The following IGF1R variants were observed in gnomAD, a reference collection of about 807,000 sequenced individuals.
IGF1R encodes the protein insulin like growth factor 1 receptor.
In IGF1R, 44 loss-of-function variants were observed where a neutral mutation model predicts 144.6. The ratio of observed to expected loss-of-function variants is 0.30; its 90% CI spans 0.24 to 0.39. The LOEUF is 0.39. Among genes scored for constraint, IGF1R ranks in the 10% least tolerant of loss-of-function variants. IGF1R has a pLI of 1.00. For missense variants in IGF1R, 1,355 were observed against 1,833.7 expected, an observed-to-expected ratio of 0.74 and a Z score of 4.77; for synonymous variants, 795 against 722.8, an observed-to-expected ratio of 1.10 and a Z score of -1.60.
intron 2 of IGF1R, among the ~76,000 whole-genome samples, chr15:98,716,242 G>A (rs1039418581): frequency 1.1e-4 from 16 of 152,142 alleles, no homozygotes; most frequent in Admixed American, 1.0e-3. Flanking sequence ...AGTTACTGAG[G>A]GTTTCCGTGG....
intron 2 of IGF1R, among the ~76,000 whole-genome samples, chr15:98,848,556 G>A (rs2011423753): frequency 6.6e-6 from 1 of 152,204 alleles, no homozygotes; most frequent in African/African-American, 2.4e-5. Flanking sequence ...TGTGTTGGAA[G>A]CTTAAGGAAC....
At chr15:98,706,576 A>G (rs73473476) in intron 1 of IGF1R, among the ~76,000 whole-genome samples, 7,436 of 143,264 alleles carry the variant, frequency 0.052, 454 homozygotes, top group African/African-American at 0.15. Flanking sequence ...ATGTCCAACA[A>G]TAAGGGATTG....
Position 98,689,281 on chromosome 15 carries a change from C to A in IGF1R, c.95-18281C>A, listed in dbSNP as rs368785514. Among the ~76,000 whole-genome samples the A allele has an allele frequency of 3.4e-5, 5 of 146,174 alleles. No homozygotes were observed. In the East Asian group the frequency reaches 6.0e-4, roughly 18 times the overall value. On this transcript the variant is annotated intron_variant, in intron 1 of 20. Transcript: ENST00000650285. ...TTTGACAGAGTCTTGCTCTGTCACC[C>A]AGGCTGGGGTGCAGTGGCGTGATCT...
At chr15:98,826,038 G>A (rs1196966880) in intron 2 of IGF1R, among the ~76,000 whole-genome samples, 1 of 152,176 alleles carries the variant, frequency 6.6e-6, no homozygotes, top group Non-Finnish European at 1.5e-5. Flanking sequence ...GGATGAAATG[G>A]TATAGTCTGT....
chr15:98,955,017 G>A (rs547032947), intron 20 of IGF1R, among the ~76,000 whole-genome samples: 52 of 152,228 alleles, frequency 3.4e-4, no homozygotes, highest in South Asian at 8.3e-4. Flanking sequence ...ATTCTGTTGC[G>A]CAGAGAACTC....
Position 98,963,166 on chromosome 15 carries a change from AAGAC to A in IGF1R, c.*5726_*5729del, listed in dbSNP as rs1225117996. ...GTTTATAATTGCCGAAAATAATTTA[AAGAC>A]ACTTTTTTTTTCTCTGTGTGTGCAA... On this transcript the variant is annotated 3_prime_UTR_variant, in exon 21 of 21. Transcript: ENST00000650285. 1 of 232,362 alleles carries A rather than the reference AAGAC, an allele frequency of 4.3e-6. No individual in the cohort carries two copies. The highest frequency in any genetic ancestry group is 2.2e-5 in the African/African-American group (1 of 44,532). 14.4% of individuals were successfully genotyped at this position (232,362 alleles called of 1,614,324 possible).
At position 98,748,890 on chromosome 15, in the gene IGF1R, A is replaced by G. The variant is rs190275218; in HGVS notation, c.640+40783A>G. ...GTTATTCCAGAAGTTGTTAGAATTA[A>G]GAGCCAGGAGGAGGTACTATGTAAG... is the stretch of plus-strand genomic sequence containing the variant. On this transcript the variant is annotated intron_variant, in intron 2 of 20. Coordinates refer to ENST00000650285, the MANE Select transcript of IGF1R (RefSeq NM_000875.5). Among the ~76,000 whole-genome samples the G allele has an allele frequency of 1.4e-3, 212 of 152,368 alleles. No individual in the cohort carries two copies. The Middle Eastern group carries it at 0.024, about 17-fold the overall frequency.
intron 20 of IGF1R, among the ~76,000 whole-genome samples, chr15:98,950,395 C>T (rs951089578): frequency 6.6e-6 from 1 of 152,192 alleles, no homozygotes; most frequent in African/African-American, 2.4e-5. Flanking sequence ...CTCAGAGTCA[C>T]AGGAGGCAGA....
intron 2 of IGF1R, among the ~76,000 whole-genome samples, chr15:98,760,078 G>A (rs1004871885): frequency 2.0e-5 from 3 of 151,868 alleles, no homozygotes; most frequent in Non-Finnish European, 2.9e-5. Flanking sequence ...GGTGGCTCAC[G>A]CCTGTAATCC....
At chr15:98,955,590 C>G (rs1487960904) in intron 20 of IGF1R, among the ~76,000 whole-genome samples, 5 of 152,240 alleles carry the variant, frequency 3.3e-5, no homozygotes, top group African/African-American at 1.2e-4. Flanking sequence ...ACGCTGAATT[C>G]TAGTGAATTC....
At chr15:98,773,748 A>G (rs1056619638) in intron 2 of IGF1R, among the ~76,000 whole-genome samples, 5 of 152,212 alleles carry the variant, frequency 3.3e-5, no homozygotes, top group Non-Finnish European at 7.3e-5. Flanking sequence ...AACGCTGCTC[A>G]GAACTGTGGT....
Position 98,962,288 on chromosome 15 carries a change from CCCAGTTATG to C in IGF1R, c.*4848_*4856del, listed in dbSNP as rs2017257152. 4.3e-6 allele frequency: 1 copy of C among 233,314 alleles called. No homozygotes were observed. The highest frequency in any genetic ancestry group is 5.6e-5 in the Admixed American group (1 of 17,788). 14.5% of individuals were successfully genotyped at this position (233,314 alleles called of 1,614,324 possible). ...GTATGCCTTGGCCCATTCCAGCAGTCCCAGTTATGCATTTCAAGTTTGGGGTTTGTTCTT... is the reference window on the plus strand; with the variant it reads ...GTATGCCTTGGCCCATTCCAGCAGTCCATTTCAAGTTTGGGGTTTGTTCTT... On this transcript the variant is annotated 3_prime_UTR_variant, in exon 21 of 21. Coordinates refer to ENST00000650285, the MANE Select transcript of IGF1R (RefSeq NM_000875.5).
intron 1 of IGF1R, among the ~76,000 whole-genome samples, chr15:98,664,210 C>T (rs1363158632): frequency 6.6e-6 from 1 of 152,184 alleles, no homozygotes; most frequent in Non-Finnish European, 1.5e-5. Flanking sequence ...CTTTTCTCGA[C>T]TAGAAAGCAG....
chr15:98,895,628 T>C (rs936713271), intron 3 of IGF1R, among the ~76,000 whole-genome samples: 1 of 152,110 alleles, frequency 6.6e-6, no homozygotes, highest in South Asian at 2.1e-4. Context: ...AAACACACAA[T>C]AGGAAAATAC....
chr15:98,948,784 T>G (rs2016655552), intron 20 of IGF1R, 76 bp downstream of exon 20: 1 of 1,531,842 alleles, frequency 6.5e-7, no homozygotes, highest in African/African-American at 1.4e-5. Flanking sequence ...CACAGGAGAT[T>G]AGGAGATTAA....
intron 1 of IGF1R, among the ~76,000 whole-genome samples, chr15:98,672,444 C>T (rs904484387): frequency 4.0e-5 from 6 of 151,862 alleles, no homozygotes; most frequent in Non-Finnish European, 2.9e-5. Flanking sequence ...GTGGTGTGCG[C>T]CTGTAGTCCC....
intron 20 of IGF1R, among the ~76,000 whole-genome samples, chr15:98,951,972 G>A (rs2016792903): frequency 6.6e-6 from 1 of 152,126 alleles, no homozygotes; most frequent in Admixed American, 6.5e-5. Flanking sequence ...CATCATCCCT[G>A]TGTTGTCACA....
intron 2 of IGF1R, among the ~76,000 whole-genome samples, chr15:98,787,099 C>T (rs980501760): frequency 2.0e-5 from 3 of 152,140 alleles, no homozygotes; most frequent in Non-Finnish European, 4.4e-5. Flanking sequence ...GGACCTCCTT[C>T]GGGGCTGGGA....
chr15:98,841,264 A>G (rs948196746), intron 2 of IGF1R, among the ~76,000 whole-genome samples: 1 of 151,976 alleles, frequency 6.6e-6, no homozygotes, highest in African/African-American at 2.4e-5. Context: ...ATGAGCTACA[A>G]AAAAAAATAC....
Sources: gnomAD v4.1 joint callset for allele counts (sites outside exome capture counted in the v4.1 genomes callset) on GRCh38, gnomAD v4.1.1 for gene constraint, MANE v1.5 for transcripts, NCBI Gene and HGNC (gene_info 2026-07-23, HGNC 2026-07-21) for gene names.